KPNB1: variants seen among roughly 807,000 people sequenced by gnomAD.
The protein encoded by KPNB1 is karyopherin subunit beta 1, also known as importin subunit beta-1.
A neutral mutation model predicts 113.0 loss-of-function variants in KPNB1; 7 were observed. The observed-to-expected ratio is 0.06, with a 90% CI of 0.04 to 0.12. The LOEUF is 0.12. KPNB1 is among the 10% of genes least tolerant of loss of function. KPNB1 has a pLI of 1.00. For synonymous variants in KPNB1, 363 were observed against 378.6 expected, an observed-to-expected ratio of 0.96 and a Z score of 0.48; for missense variants, 400 against 1,054.8, an observed-to-expected ratio of 0.38 and a Z score of 8.60.
chr17:47,650,065 G>C lies in KPNB1; in HGVS notation c.-180G>C. ...GGAGGGAGGAAGTAAGGGAAGAGGA[G>C]AGGAAGGGGAGCCGGACCGACTACC... is the stretch of plus-strand genomic sequence containing the variant. On this transcript the variant is annotated 5_prime_UTR_variant, in exon 1 of 22. Transcript: ENST00000290158. 1 of 1,391,736 alleles carries C rather than the reference G, an allele frequency of 7.2e-7. No homozygotes were observed. Among genetic ancestry groups the C allele is most frequent in the Non-Finnish European group, 9.3e-7 (1 of 1,079,000 alleles). The allele number at this position is 1,391,736 out of a possible 1,614,324, so 86.2% of individuals were successfully genotyped here.
At position 47,682,929 on chromosome 17, in the gene KPNB1, G is replaced by C. The variant is rs1035900581; in HGVS notation, c.*525G>C. Reference sequence around the variant, plus strand: ...TGCTTGCCAGCTAGAAGGAGGGTCAGGGATTTTTTACAGTCTGAGAATGAG... The same window carrying C: ...TGCTTGCCAGCTAGAAGGAGGGTCACGGATTTTTTACAGTCTGAGAATGAG... On this transcript the variant is annotated 3_prime_UTR_variant, in exon 22 of 22. Coordinates refer to ENST00000290158, the MANE Select transcript of KPNB1 (RefSeq NM_002265.6). 4 of 157,032 alleles carry C rather than the reference G, an allele frequency of 2.5e-5. No individual in the cohort carries two copies. The highest frequency in any genetic ancestry group is 9.7e-5 in the African/African-American group (4 of 41,380). The allele number at this position is 157,032 out of a possible 1,614,324, so 9.7% of individuals were successfully genotyped here.
chr17:47,654,180 C>T (rs1007429343), intron 3 of KPNB1, among the ~76,000 whole-genome samples: 7 of 152,026 alleles, frequency 4.6e-5, no homozygotes, highest in Non-Finnish European at 5.9e-5. Flanking sequence ...TTTGAGAGGC[C>T]GAGGTGGGTG....
At chr17:47,653,785 G>A (rs1474486443) in intron 3 of KPNB1, among the ~76,000 whole-genome samples, 2 of 152,166 alleles carry the variant, frequency 1.3e-5, no homozygotes, top group Non-Finnish European at 2.9e-5. Context: ...TCTGTATCTG[G>A]TTGTGTACCT....
In KPNB1 at chr17:47,649,937, TC is replaced by T. The variant is rs1915475233; in HGVS notation, c.-307del. 2.3e-6 allele frequency: 3 copies of T among 1,282,920 alleles called. No homozygotes were observed. The highest frequency in any genetic ancestry group is 9.8e-7 in the Non-Finnish European group (1 of 1,016,270). The allele number at this position is 1,282,920 out of a possible 1,614,324, so 79.5% of individuals were successfully genotyped here. A position where few individuals can be genotyped will look rare whatever the true frequency, so the allele number is the denominator to read the frequency against. ...CCTCGCTCCCTCCCTGCGCGCCGCC[TC>T]TCACTCACAGCCTCCCTTCCTTCTT... is the stretch of plus-strand genomic sequence containing the variant. On this transcript the variant is annotated 5_prime_UTR_variant, in exon 1 of 22. Coordinates refer to ENST00000290158, the MANE Select transcript of KPNB1 (RefSeq NM_002265.6).
rs1286763801 is a variant in KPNB1 at position 47,658,396 on chromosome 17, A to AT, written c.484-104dup. ...TGGTGCAGTACAGATGCAACCATCC[A>AT]TTTTTTTTCCTCTAAATATTTTCAA... On this transcript the variant is annotated intron_variant, in intron 4 of 21. Coordinates refer to ENST00000290158, the MANE Select transcript of KPNB1 (RefSeq NM_002265.6). 4.7e-5 allele frequency: 56 copies of AT among 1,195,438 alleles called. 1 individual carries two copies. The highest frequency in any genetic ancestry group is 1.4e-4 in the African/African-American group (9 of 64,686). The allele number at this position is 1,195,438 out of a possible 1,614,324, so 74.1% of individuals were successfully genotyped here. A position where few individuals can be genotyped will look rare whatever the true frequency, so the allele number is the denominator to read the frequency against.
chr17:47,655,695 G>A (rs369919984), intron 3 of KPNB1, among the ~76,000 whole-genome samples: 2 of 152,292 alleles, frequency 1.3e-5, no homozygotes, highest in East Asian at 3.9e-4. Context: ...TAGTGTCCAT[G>A]TCTGTCTACA....
At chr17:47,667,984 A>G (rs538058898) in intron 9 of KPNB1, among the ~76,000 whole-genome samples, 1 of 152,296 alleles carries the variant, frequency 6.6e-6, no homozygotes, top group Admixed American at 6.5e-5. Flanking sequence ...TGTAGTACTA[A>G]ATGGAATCTT....
In KPNB1 at chr17:47,680,558, G is replaced by A. The variant is rs763980089; in HGVS notation, c.2519G>A (p.Arg840Lys). Residue 840 changes from arginine (R) to lysine (K), a missense_variant, in exon 21 of 22, where the codon AGG becomes AAG. Arg to Lys is a conservative substitution (Grantham distance 26). Coordinates refer to ENST00000290158, the MANE Select transcript of KPNB1 (RefSeq NM_002265.6). ...GATGTACTGAAATTAGTAGAAGCTAGGCCAATGATCCATGAATTGTTAACT... is the reference window on the plus strand; with the variant it reads ...GATGTACTGAAATTAGTAGAAGCTAAGCCAATGATCCATGAATTGTTAACT... ...GKDVLKLVEA[R>K]PMIHELLTEG... 6.2e-7 allele frequency: 1 copy of A among 1,614,160 alleles called. No individual in the cohort carries two copies. Among genetic ancestry groups the A allele is most frequent in the Non-Finnish European group, 8.5e-7 (1 of 1,180,022 alleles).
At chr17:47,672,250 T>G (rs1176503251) in intron 12 of KPNB1, among the ~76,000 whole-genome samples, 1 of 152,008 alleles carries the variant, frequency 6.6e-6, no homozygotes, top group Non-Finnish European at 1.5e-5. Context: ...TCAGGTGATC[T>G]GCCCACCTTG....
intron 5 of KPNB1, among the ~76,000 whole-genome samples, chr17:47,659,272 C>T (rs1467551287): frequency 6.6e-6 from 1 of 152,012 alleles, no homozygotes. Flanking sequence ...TCACTTGAAC[C>T]TGGGAGGCAG....
intron 2 of KPNB1, among the ~76,000 whole-genome samples, chr17:47,650,943 T>C (rs1915545931): frequency 6.6e-6 from 1 of 152,164 alleles, no homozygotes; most frequent in Admixed American, 6.5e-5. Context: ...TGGTCTGTAC[T>C]CATGGCCAGG....
intron 10 of KPNB1, among the ~76,000 whole-genome samples, chr17:47,669,468 C>T (rs531674612): frequency 6.6e-6 from 1 of 152,250 alleles, no homozygotes; most frequent in African/African-American, 2.4e-5. Flanking sequence ...GCATTTACAC[C>T]AAATTCTTAA....
At chr17:47,680,368 C>A in intron 20 of KPNB1, 140 bp from the exon 21 acceptor site, 2 of 957,062 alleles carry the variant, frequency 2.1e-6, no homozygotes, top group Non-Finnish European at 1.6e-6. Context: ...CAACAATTGC[C>A]TCTGTCTAGT....
intron 19 of KPNB1, 84 bp downstream of exon 19, chr17:47,678,497 C>T (rs2030677608): frequency 1.5e-5 from 14 of 917,166 alleles, no homozygotes; most frequent in Non-Finnish European, 2.5e-5. Flanking sequence ...CTGTAGCTCG[C>T]TTGTGAACCT....
rs2030078452 is a variant in KPNB1 at position 47,661,069 on chromosome 17, A to T, written c.637-50A>T. On this transcript the variant is annotated intron_variant, in intron 5 of 21. Coordinates refer to ENST00000290158, the MANE Select transcript of KPNB1 (RefSeq NM_002265.6). Reference sequence around the variant, plus strand: ...GTAGAGGGAGTCTGGAAATCTTCCTACGTACAGGTTATGCTCTCCTAATTC... The same window carrying T: ...GTAGAGGGAGTCTGGAAATCTTCCTTCGTACAGGTTATGCTCTCCTAATTC... 7 of 1,437,222 alleles carry T rather than the reference A, an allele frequency of 4.9e-6. No individual in the cohort carries two copies. The East Asian group carries it at 1.6e-4, about 33-fold the overall frequency. The allele number at this position is 1,437,222 out of a possible 1,614,324, so 89.0% of individuals were successfully genotyped here. A position where few individuals can be genotyped will look rare whatever the true frequency, so the allele number is the denominator to read the frequency against.
rs891896287 is a variant in KPNB1, at chr17:47,652,795, T to C, written c.201T>C (p.Ser67=). ...TACAAATCAAGAACTCTTTGACATC[T>C]AAAGATCCAGATATCAAGGCACAAT... The part of the protein sequence containing the change: ...AGLQIKNSLT[S]KDPDIKAQYQ... The change falls in exon 3 of 22, where the codon TCT becomes TCC. Residue 67 remains serine (S), a synonymous_variant. Coordinates refer to ENST00000290158, the MANE Select transcript of KPNB1 (RefSeq NM_002265.6). 2.1e-5 allele frequency: 34 copies of C among 1,612,486 alleles called. No homozygotes were observed. Among genetic ancestry groups the C allele is most frequent in the Non-Finnish European group, 2.7e-5 (32 of 1,179,638 alleles).
chr17:47,680,417 T>A (rs1027417456), intron 20 of KPNB1, 91 bp from the exon 21 acceptor site: 18 of 1,432,578 alleles, frequency 1.3e-5, no homozygotes, highest in Non-Finnish European at 1.7e-5. Flanking sequence ...TGAAATTTGC[T>A]AAGAAACCCA....
Position 47,652,367 on chromosome 17 carries a change from A to C in KPNB1, c.100-327A>C, listed in dbSNP as rs76465882. 4.6e-3 allele frequency among the ~76,000 whole-genome samples: 707 copies of C among 152,328 alleles called. 4 individuals carry two copies. Among genetic ancestry groups the C allele is most frequent in the Middle Eastern group, 0.017 (5 of 294 alleles). On this transcript the variant is annotated intron_variant, in intron 2 of 21. Transcript: ENST00000290158. ...CAGTATACATAGAAGACTGACTACTACTACCATACTCTGAAACCTTGCAAT... is the reference window on the plus strand; with the variant it reads ...CAGTATACATAGAAGACTGACTACTCCTACCATACTCTGAAACCTTGCAAT...
intron 17 of KPNB1, among the ~76,000 whole-genome samples, 156 bp downstream of exon 17, chr17:47,677,283 A>G (rs2030641422): frequency 6.6e-6 from 1 of 152,040 alleles, no homozygotes; most frequent in African/African-American, 2.4e-5. Context: ...AACCTGGACA[A>G]CATGGTGAAA....
Sources: allele counts gnomAD v4.1 joint callset (sites outside exome capture counted in the v4.1 genomes callset), GRCh38; gene constraint gnomAD v4.1.1; transcripts MANE v1.5; gene names NCBI Gene and HGNC (gene_info 2026-07-23, HGNC 2026-07-21).